RNF220: variants seen among roughly 807,000 people sequenced by gnomAD.
The protein encoded by RNF220 is E3 ubiquitin-protein ligase RNF220.
Under a neutral mutation model 67.1 loss-of-function variants are expected in RNF220, and 7 were observed. That is an observed-to-expected ratio of 0.10 (90% confidence interval 0.06 to 0.20). The LOEUF is 0.20. RNF220 is among the 10% of genes least tolerant of loss of function. The pLI is 1.00. For synonymous variants in RNF220, 270 were observed against 283.2 expected, an observed-to-expected ratio of 0.95 and a Z score of 0.47; for missense variants, 565 against 740.3, an observed-to-expected ratio of 0.76 and a Z score of 2.75.
At chr1:44,641,353 T>TG (rs1023403509) in intron 8 of RNF220, among the ~76,000 whole-genome samples, 54 of 152,314 alleles carry the variant, frequency 3.5e-4, no homozygotes, top group African/African-American at 1.2e-3. Flanking sequence ...CCCTGGTGAC[T>TG]GAAGGGTACT....
At chr1:44,647,025 A>G (rs1644671781) in intron 12 of RNF220, among the ~76,000 whole-genome samples, 1 of 152,198 alleles carries the variant, frequency 6.6e-6, no homozygotes, top group Non-Finnish European at 1.5e-5. Flanking sequence ...GCCAGAGCCA[A>G]GATTGGAGGG....
intron 2 of RNF220, among the ~76,000 whole-genome samples, chr1:44,580,054 A>AAG (rs1665142909): frequency 7.0e-6 from 1 of 143,560 alleles, no homozygotes; most frequent in African/African-American, 2.8e-5. Flanking sequence ...AAAAAAAAAA[A>AAG]AAAGAAAGAA....
chr1:44,469,062 A>G (rs1654544962), intron 2 of RNF220, among the ~76,000 whole-genome samples: 1 of 152,244 alleles, frequency 6.6e-6, no homozygotes, highest in Admixed American at 6.5e-5. Context: ...AAAAATTAAC[A>G]GAAGAGGGTA....
chr1:44,511,181 G>C (rs1435633440), intron 2 of RNF220, among the ~76,000 whole-genome samples: 1 of 152,194 alleles, frequency 6.6e-6, no homozygotes, highest in Non-Finnish European at 1.5e-5. Context: ...TTCTGATAAA[G>C]AATAAGGGAA....
At chr1:44,460,025 A>G (rs1321152744) in intron 2 of RNF220, among the ~76,000 whole-genome samples, 1 of 152,130 alleles carries the variant, frequency 6.6e-6, no homozygotes, top group Non-Finnish European at 1.5e-5. Context: ...AGGGGGATGA[A>G]CAGGGAGGGG....
intron 2 of RNF220, among the ~76,000 whole-genome samples, chr1:44,481,486 T>C (rs1655804253): frequency 6.6e-5 from 10 of 151,970 alleles, no homozygotes; most frequent in Admixed American, 6.6e-4. Flanking sequence ...AGTTGAACAA[T>C]GAGAACACAT....
intron 2 of RNF220, among the ~76,000 whole-genome samples, chr1:44,449,679 G>T (rs999503403): frequency 6.6e-6 from 1 of 152,198 alleles, no homozygotes; most frequent in African/African-American, 2.4e-5. Context: ...CTCCCAAAGG[G>T]CTGGGATTGG....
chr1:44,558,694 G>A (rs6671158), intron 2 of RNF220, among the ~76,000 whole-genome samples: 3,397 of 152,250 alleles, frequency 0.022, 120 homozygotes, highest in African/African-American at 0.077. Context: ...GAAAGTTTAC[G>A]GAGCTAGAAT....
intron 2 of RNF220, among the ~76,000 whole-genome samples, chr1:44,601,224 A>G (rs918135648): frequency 6.6e-6 from 1 of 152,218 alleles, no homozygotes; most frequent in Non-Finnish European, 1.5e-5. Context: ...AGTAGTTACC[A>G]TAGAATGGTG....
chr1:44,560,176 C>A (rs758678048), intron 2 of RNF220, among the ~76,000 whole-genome samples: 6 of 152,178 alleles, frequency 3.9e-5, no homozygotes, highest in Non-Finnish European at 8.8e-5. Context: ...CATCCATGTG[C>A]CTGGCAGTAA....
chr1:44,587,354 C>T (rs1012043223), intron 2 of RNF220, among the ~76,000 whole-genome samples: 1 of 151,842 alleles, frequency 6.6e-6, no homozygotes, highest in African/African-American at 2.4e-5. Context: ...ACCATGTTGG[C>T]CAGGCTGGTC....
chr1:44,635,422 C>G, intron 6 of RNF220, 123 bp from the exon 7 acceptor site: 2 of 1,437,422 alleles, frequency 1.4e-6, no homozygotes, highest in Non-Finnish European at 9.4e-7. Context: ...AGGGCCAGAT[C>G]AGGCACTGAA....
chr1:44,549,366 A>G (rs1160380811), intron 2 of RNF220, among the ~76,000 whole-genome samples: 2 of 152,230 alleles, frequency 1.3e-5, no homozygotes, highest in East Asian at 3.8e-4. Context: ...AAGGAGGCAG[A>G]GCGCACATGA....
At position 44,624,631 on chromosome 1, in the gene RNF220, C is replaced by G. The variant is rs1283998124; in HGVS notation, c.805-1666C>G. On this transcript the variant is annotated intron_variant, in intron 4 of 14. Coordinates refer to ENST00000361799, the MANE Select transcript of RNF220 (RefSeq NM_018150.4). The surrounding 1 kb of genome is among the most constrained non-coding windows in gnomAD (Gnocchi z 4.2). Reference sequence around the variant, plus strand: ...GGAAGCAGGTCGTGAGTGGAAGAGGCGAGAGAGAGAAGGTTCAAGCAAGAG... The same window carrying G: ...GGAAGCAGGTCGTGAGTGGAAGAGGGGAGAGAGAGAAGGTTCAAGCAAGAG... 6.6e-6 allele frequency among the ~76,000 whole-genome samples: 1 copy of G among 151,524 alleles called. No homozygotes were observed. The highest frequency in any genetic ancestry group is 2.4e-5 in the African/African-American group (1 of 41,186).
intron 8 of RNF220, among the ~76,000 whole-genome samples, chr1:44,641,211 C>T (rs1347454895): frequency 6.6e-6 from 1 of 152,142 alleles, no homozygotes; most frequent in African/African-American, 2.4e-5. Context: ...GCACTACCCA[C>T]CCCGCCAGGA....
At chr1:44,482,290 T>C (rs1408386180) in intron 2 of RNF220, among the ~76,000 whole-genome samples, 2 of 152,154 alleles carry the variant, frequency 1.3e-5, no homozygotes, top group Non-Finnish European at 2.9e-5. Context: ...ATACACGGCC[T>C]GCAGACCAGA....
chr1:44,568,694 G>A (rs116486275), intron 2 of RNF220, among the ~76,000 whole-genome samples: 3,809 of 152,350 alleles, frequency 0.025, 75 homozygotes, highest in Middle Eastern at 0.037. Flanking sequence ...GAAGGCAGGA[G>A]AGTGGCAGCC....
chr1:44,484,939 C>T (rs1303765277), intron 2 of RNF220, among the ~76,000 whole-genome samples: 2 of 152,066 alleles, frequency 1.3e-5, no homozygotes, highest in African/African-American at 2.4e-5. Flanking sequence ...GTCAGGAGAT[C>T]GAGGCCATCC....
chr1:44,490,338 C>T lies in RNF220; in HGVS notation c.625+77616C>T, dbSNP rs189140823. Among the ~76,000 whole-genome samples, 295 of 151,952 alleles carry T rather than the reference C, an allele frequency of 1.9e-3. 1 individual carries two copies. Among genetic ancestry groups the T allele is most frequent in the African/African-American group, 6.7e-3 (278 of 41,462 alleles). ...AAAAAAAATTAGCCAGGCGTGGTGG[C>T]GAGCGCCTGTAATCCCAGCTACTCA... On this transcript the variant is annotated intron_variant, in intron 2 of 14. Coordinates refer to ENST00000361799, the MANE Select transcript of RNF220 (RefSeq NM_018150.4).
Sources: allele counts gnomAD v4.1 joint callset (sites outside exome capture counted in the v4.1 genomes callset), GRCh38; gene constraint gnomAD v4.1.1; non-coding constraint Gnocchi (gnomAD v3.1); transcripts MANE v1.5; gene names NCBI Gene and HGNC (gene_info 2026-07-23, HGNC 2026-07-21).